The following AMD1 variants were observed in gnomAD, a reference collection of about 807,000 sequenced individuals.
AMD1 encodes adenosylmethionine decarboxylase 1.
Under a neutral mutation model 40.2 loss-of-function variants are expected in AMD1, and 11 were observed. The observed-to-expected ratio is 0.27, with a 90% CI of 0.17 to 0.45. AMD1 has a LOEUF of 0.45. AMD1 is among the 20% of genes least tolerant of loss of function. The pLI, the probability that AMD1 is intolerant of heterozygous loss-of-function variation, is 1.00. For missense variants in AMD1, 257 were observed against 410.2 expected (o/e 0.63, Z 3.23); for synonymous variants, 121 against 130.8 (o/e 0.93, Z 0.51).
the AMD1 span, among the ~76,000 whole-genome samples, chr6:110,841,233 C>T: frequency 6.6e-6 from 1 of 152,118 alleles, no homozygotes; most frequent in Non-Finnish European, 1.5e-5. Flanking sequence ...GTAAAAAGTT[C>T]CTCTTCAAAG....
At chr6:110,818,946 T>C in the AMD1 span, among the ~76,000 whole-genome samples, 4 of 152,272 alleles carry the variant, frequency 2.6e-5, no homozygotes, top group Non-Finnish European at 5.9e-5. Context: ...TACACACTTT[T>C]GAGCTAAGGA....
At chr6:110,860,717 T>C in the AMD1 span, among the ~76,000 whole-genome samples, 1 of 151,858 alleles carries the variant, frequency 6.6e-6, no homozygotes, top group East Asian at 1.9e-4. Context: ...GTAGAATCCC[T>C]TGAACACGGG....
rs776026537 is a variant in AMD1, at chr6:110,890,246, T to C, written c.325-8T>C. On this transcript the variant is annotated splice_region_variant and splice_polypyrimidine_tract_variant and intron_variant, in intron 3 of 8. Transcript: ENST00000368885. The stretch of plus-strand genomic sequence containing the variant: ...CTTTTTTTTTCTTTCTTTTCTTTTT[T>C]AATAAAGAGCTTCTTTTATTCTCGT... The C allele has an allele frequency of 6.0e-5, 93 of 1,538,876 alleles. No individual in the cohort carries two copies. The highest frequency in any genetic ancestry group is 7.7e-5 in the Non-Finnish European group (88 of 1,143,504).
At chr6:110,853,080 G>A in the AMD1 span, among the ~76,000 whole-genome samples, 1 of 149,182 alleles carries the variant, frequency 6.7e-6, no homozygotes, top group African/African-American at 2.5e-5. Flanking sequence ...ATATATTTGA[G>A]GTATGCCTGC....
chr6:110,885,882 T>C (rs2115297058), intron 1 of AMD1, among the ~76,000 whole-genome samples: 1 of 152,298 alleles, frequency 6.6e-6, no homozygotes, highest in South Asian at 2.1e-4. Context: ...GCATGTTTGG[T>C]GTTGTGTTTG....
chr6:110,815,158 C>G, the AMD1 span: 6 of 1,569,210 alleles, frequency 3.8e-6, no homozygotes, highest in Non-Finnish European at 5.2e-6. Context: ...CCCATAGAGG[C>G]ACGGGACGCG....
rs1223201110 is a variant in AMD1, at chr6:110,892,905, C to G, written c.709-5C>G. The G allele has an allele frequency of 1.2e-6, 2 of 1,613,650 alleles. No homozygotes were observed. Among genetic ancestry groups the G allele is most frequent in the East Asian group, 2.2e-5 (1 of 44,862 alleles). ...ATTCTTAACACTGTGAACTTTTTCTCTCAGGGAACTTATTGGACTATTCAC... is the reference window on the plus strand; with the variant it reads ...ATTCTTAACACTGTGAACTTTTTCTGTCAGGGAACTTATTGGACTATTCAC... On this transcript the variant is annotated splice_region_variant and splice_polypyrimidine_tract_variant and intron_variant, in intron 7 of 8. Coordinates refer to ENST00000368885, the MANE Select transcript of AMD1 (RefSeq NM_001634.6).
chr6:110,834,006 C>T, the AMD1 span, among the ~76,000 whole-genome samples: 1,040 of 152,058 alleles, frequency 6.8e-3, 7 homozygotes, highest in Non-Finnish European at 0.011. Flanking sequence ...TGCAGTGATG[C>T]AAACATGGCT....
chr6:110,814,695 C>A, the AMD1 span: 4 of 566,850 alleles, frequency 7.1e-6, no homozygotes, highest in Non-Finnish European at 1.3e-5. Flanking sequence ...GACTAGACCC[C>A]ACAAACTCCT....
At chr6:110,870,591 C>T (rs1433282653), upstream of AMD1, among the ~76,000 whole-genome samples, 1 of 152,058 alleles carries the variant, frequency 6.6e-6, no homozygotes, top group African/African-American at 2.4e-5. Context: ...GCCACTGCAC[C>T]CCAGCCTGGG....
At chr6:110,841,554 C>G in the AMD1 span, among the ~76,000 whole-genome samples, 547 of 152,080 alleles carry the variant, frequency 3.6e-3, 8 homozygotes, top group African/African-American at 0.012. Flanking sequence ...ATTGCCTCTA[C>G]CTATTTAAGA....
At chr6:110,814,755 G>A in the AMD1 span, 15 of 646,366 alleles carry the variant, frequency 2.3e-5, no homozygotes, top group Admixed American at 2.9e-4. Flanking sequence ...CGAGCACTCG[G>A]AGGGCGCCCC....
In AMD1 at chr6:110,894,351, T is replaced by G. The variant is rs1019016954; in HGVS notation, c.*735T>G. The G allele has an allele frequency of 9.8e-5, 15 of 152,646 alleles. No homozygotes were observed. The highest frequency in any genetic ancestry group is 3.1e-4 in the African/African-American group (13 of 41,456). The allele number at this position is 152,646 out of a possible 1,614,324, so 9.5% of individuals were successfully genotyped here. ...TTATATACTAATTCTATACCCCAGA[T>G]GGGGAATGGGGGAGATGGTCCCTGG... On this transcript the variant is annotated 3_prime_UTR_variant, in exon 9 of 9. Transcript: ENST00000368885.
chr6:110,851,775 C>A, the AMD1 span, among the ~76,000 whole-genome samples: 1 of 151,966 alleles, frequency 6.6e-6, no homozygotes, highest in African/African-American at 2.4e-5. Flanking sequence ...AAAATTGGTT[C>A]TAATCACATA....
At chr6:110,864,794 C>A in the AMD1 span, among the ~76,000 whole-genome samples, 4 of 152,214 alleles carry the variant, frequency 2.6e-5, no homozygotes, top group Non-Finnish European at 5.9e-5. Flanking sequence ...GCAAGAGGGG[C>A]CCCTGCCCTT....
the AMD1 span, among the ~76,000 whole-genome samples, chr6:110,837,132 G>T: frequency 8.4e-6 from 1 of 119,740 alleles, no homozygotes; most frequent in African/African-American, 3.3e-5. Flanking sequence ...ACTACAGTCT[G>T]ATACCACCAC....
At chr6:110,891,929 G>A (rs1207052709) in intron 4 of AMD1, 4 of 552,870 alleles carry the variant, frequency 7.2e-6, no homozygotes, top group East Asian at 3.1e-5. Context: ...TTTTAGTAGC[G>A]ATGGGGTTTC....
At chr6:110,825,734 T>TC in the AMD1 span, among the ~76,000 whole-genome samples, 1 of 152,190 alleles carries the variant, frequency 6.6e-6, no homozygotes, top group South Asian at 2.1e-4. Context: ...TAAACATTGA[T>TC]TAAAAGTCTG....
the AMD1 span, among the ~76,000 whole-genome samples, chr6:110,869,680 T>C: frequency 3.3e-5 from 5 of 151,166 alleles, no homozygotes; most frequent in Non-Finnish European, 5.9e-5. Flanking sequence ...CGGCTGACTT[T>C]GTATTTTTAG....
Sources: allele counts gnomAD v4.1 joint callset (sites outside exome capture counted in the v4.1 genomes callset), GRCh38; gene constraint gnomAD v4.1.1; transcripts MANE v1.5; gene names NCBI Gene and HGNC (gene_info 2026-07-23, HGNC 2026-07-21).